Variants in CUBN observed in about 807,000 individuals in gnomAD.
The protein encoded by CUBN is 460 kDa receptor.
Under a neutral mutation model 405.3 loss-of-function variants are expected in CUBN, and 282 were observed. The ratio of observed to expected loss-of-function variants is 0.70; its 90% confidence interval spans 0.63 to 0.77. The LOEUF is 0.77. Among genes scored for constraint, CUBN ranks in the 30% least tolerant of loss-of-function variants. The pLI is 0.00. For synonymous variants in CUBN, 1,684 were observed against 1,617.0 expected (o/e 1.04, Z -0.99); for missense variants, 4,514 against 4,475.2 (o/e 1.01, Z -0.25).
chr10:16,931,838 G>A (rs1842371751), intron 40 of CUBN, among the ~76,000 whole-genome samples: 1 of 152,180 alleles, frequency 6.6e-6, no homozygotes, highest in South Asian at 2.1e-4. Flanking sequence ...TCAATGGAAT[G>A]TGATTTTAAA....
chr10:16,951,425 T>C (rs1183730046), intron 33 of CUBN, among the ~76,000 whole-genome samples: 1 of 152,222 alleles, frequency 6.6e-6, no homozygotes, highest in Non-Finnish European at 1.5e-5. Flanking sequence ...GTGACTTCCC[T>C]ATTTTCACAC....
At position 17,085,521 on chromosome 10, in the gene CUBN, T is replaced by A. The variant is rs1588632416; in HGVS notation, c.2110+76A>T. On this transcript the variant is annotated intron_variant, in intron 16 of 66. Transcript: ENST00000377833. The stretch of plus-strand genomic sequence containing the variant: ...ACAGTCAGTCATCCTCTGAATCACA[T>A]TAAAATATAAAACAGATGTAAGCAT... 4.3e-6 allele frequency: 6 copies of A among 1,397,862 alleles called. No individual in the cohort carries two copies. The East Asian group carries it at 1.4e-4, about 32-fold the overall frequency. The allele number at this position is 1,397,862 out of a possible 1,614,324, so 86.6% of individuals were successfully genotyped here.
At chr10:16,935,068 C>G (rs1842461499) in intron 39 of CUBN, among the ~76,000 whole-genome samples, 5 of 152,188 alleles carry the variant, frequency 3.3e-5, no homozygotes, top group Admixed American at 3.3e-4. Context: ...GCTACTGTTA[C>G]CATTTGCTTT....
intron 28 of CUBN, among the ~76,000 whole-genome samples, chr10:17,007,149 C>A (rs190820784): frequency 6.6e-6 from 1 of 152,136 alleles, no homozygotes; most frequent in Non-Finnish European, 1.5e-5. Context: ...ACACAGCCTG[C>A]GGAAACTTCT....
intron 56 of CUBN, among the ~76,000 whole-genome samples, chr10:16,885,908 A>T (rs1298385399): frequency 3.3e-5 from 5 of 152,248 alleles, no homozygotes; most frequent in Non-Finnish European, 5.9e-5. Flanking sequence ...GCTATAAAGA[A>T]GAAAATAAGC....
chr10:16,997,579 G>T (rs1339564146), intron 28 of CUBN, among the ~76,000 whole-genome samples: 1 of 152,082 alleles, frequency 6.6e-6, no homozygotes, highest in Non-Finnish European at 1.5e-5. Flanking sequence ...AAGGCAAAGT[G>T]AACTATTTCC....
At chr10:16,848,250 A>G (rs1839578160) in intron 60 of CUBN, among the ~76,000 whole-genome samples, 1 of 152,090 alleles carries the variant, frequency 6.6e-6, no homozygotes, top group African/African-American at 2.4e-5. Flanking sequence ...AATCCAGTCA[A>G]CTCTCCTAGC....
At chr10:16,949,702 G>A (rs573912261) in intron 34 of CUBN, among the ~76,000 whole-genome samples, 7 of 152,100 alleles carry the variant, frequency 4.6e-5, no homozygotes, top group Admixed American at 4.6e-4. Flanking sequence ...CTGATAGAAT[G>A]CTACCTAATG....
chr10:16,865,556 T>C (rs564449113), intron 59 of CUBN, among the ~76,000 whole-genome samples: 1 of 152,162 alleles, frequency 6.6e-6, no homozygotes, highest in East Asian at 1.9e-4. Context: ...TGGAGAACTT[T>C]TCTGTCTTAC....
intron 39 of CUBN, 40 bp from the exon 40 acceptor site, chr10:16,933,324 G>A (rs755735296): frequency 1.3e-6 from 2 of 1,586,298 alleles, no homozygotes; most frequent in African/African-American, 1.3e-5. Flanking sequence ...CAGCCCTAAT[G>A]GAAAAGACGC....
At chr10:16,900,201 A>T (rs1841314879) in intron 53 of CUBN, among the ~76,000 whole-genome samples, 1 of 152,180 alleles carries the variant, frequency 6.6e-6, no homozygotes, top group African/African-American at 2.4e-5. Context: ...TCCTGCCCTC[A>T]GCTCACCACT....
intron 22 of CUBN, among the ~76,000 whole-genome samples, chr10:17,050,931 A>G (rs1368511698): frequency 3.3e-5 from 5 of 152,212 alleles, no homozygotes; most frequent in Non-Finnish European, 7.3e-5. Flanking sequence ...ATATCAAACT[A>G]GCTTCAGAGG....
chr10:17,065,113 C>A, intron 22 of CUBN, among the ~76,000 whole-genome samples: 1 of 128,386 alleles, frequency 7.8e-6, no homozygotes. Flanking sequence ...ATTACTTTAT[C>A]ATTTCTCTCT....
chr10:17,027,076 G>A (rs1834687003), intron 27 of CUBN, among the ~76,000 whole-genome samples: 1 of 152,196 alleles, frequency 6.6e-6, no homozygotes, highest in African/African-American at 2.4e-5. Context: ...CTATGTGGTG[G>A]CTAGTTGCTG....
At position 17,063,905 on chromosome 10, in the gene CUBN, C is replaced by T. The variant is rs146527869; in HGVS notation, c.3139+1603G>A. ...AATTTTACAGATGAGAAAACTGTGG[C>T]CTAGAGAGTTCAAGTGACTTGCTCC... On this transcript the variant is annotated intron_variant, in intron 22 of 66. Transcript: ENST00000377833. Among the ~76,000 whole-genome samples, 27 of 152,270 alleles carry T rather than the reference C, an allele frequency of 1.8e-4. No individual in the cohort carries two copies. In the East Asian group the frequency reaches 4.6e-3, roughly 26 times the overall value.
At chr10:17,026,814 G>C (rs1834679063) in intron 27 of CUBN, among the ~76,000 whole-genome samples, 2 of 152,308 alleles carry the variant, frequency 1.3e-5, no homozygotes, top group African/African-American at 4.8e-5. Flanking sequence ...GATGGCCCTT[G>C]GGAGGCTAAG....
At chr10:17,107,165 G>A (rs921481920) in intron 10 of CUBN, among the ~76,000 whole-genome samples, 1 of 152,212 alleles carries the variant, frequency 6.6e-6, no homozygotes, top group Non-Finnish European at 1.5e-5. Flanking sequence ...AGAGCATCCA[G>A]CATCTTGACA....
chr10:17,096,135 TG>T lies in CUBN; in HGVS notation c.1765+3869del, dbSNP rs202017691. 4.7e-4 allele frequency among the ~76,000 whole-genome samples: 72 copies of T among 151,958 alleles called. No individual in the cohort carries two copies. The East Asian group carries it at 0.012, about 25-fold the overall frequency. On this transcript the variant is annotated intron_variant, in intron 14 of 66. Coordinates refer to ENST00000377833, the MANE Select transcript of CUBN (RefSeq NM_001081.4). ...ATGGTGGTGGCCAGGAGCTGAGAGG[TG>T]GGGGCAATAGGGAAATGTTGGTCAA...
At chr10:17,106,685 C>T (rs1038864551) in intron 10 of CUBN, among the ~76,000 whole-genome samples, 1 of 151,966 alleles carries the variant, frequency 6.6e-6, no homozygotes, top group East Asian at 1.9e-4. Flanking sequence ...CCTGTCCCGG[C>T]CAAGGACACA....
Sources: allele counts gnomAD v4.1 joint callset (sites outside exome capture counted in the v4.1 genomes callset), GRCh38; gene constraint gnomAD v4.1.1; transcripts MANE v1.5; gene names NCBI Gene and HGNC (gene_info 2026-07-23, HGNC 2026-07-21).